Variants in SCAND3 observed in about 807,000 individuals in gnomAD.
The protein encoded by SCAND3 is SCAN domain containing 3.
the SCAND3 span, chr6:28,573,575 T>G: frequency 6.2e-7 from 1 of 1,613,282 alleles, no homozygotes; most frequent in Non-Finnish European, 8.5e-7. Context: ...TTTGATGGTT[T>G]CATTGCTTCA....
the SCAND3 span, chr6:28,579,242 C>G: frequency 6.3e-7 from 1 of 1,599,764 alleles, no homozygotes; most frequent in Non-Finnish European, 8.5e-7. The surrounding 1 kb of genome is among the most constrained non-coding windows in gnomAD (Gnocchi z 4.5). Context: ...CCAAGTCTCA[C>G]CTTCTTTCTT....
the SCAND3 span, among the ~76,000 whole-genome samples, chr6:28,603,195 T>A: frequency 6.6e-6 from 1 of 152,042 alleles, no homozygotes; most frequent in Admixed American, 6.5e-5. Flanking sequence ...CCTGACCTCG[T>A]GATCTGCCCG....
chr6:28,586,875 G>A, the SCAND3 span: 1 of 629,722 alleles, frequency 1.6e-6, no homozygotes, highest in Admixed American at 3.0e-5. The surrounding 1 kb of genome is among the most constrained non-coding windows in gnomAD (Gnocchi z 4.4). Context: ...AAAAGGACTT[G>A]TTTACGTGAC....
chr6:28,592,837 G>A, the SCAND3 span, among the ~76,000 whole-genome samples: 1 of 152,098 alleles, frequency 6.6e-6, no homozygotes, highest in Non-Finnish European at 1.5e-5. This position sits in a 1 kb window ranked among gnomAD's most constrained non-coding sequence, Gnocchi z 4.1. Flanking sequence ...TTAATAAATG[G>A]TGATGGGAAA....
At chr6:28,604,040 G>A in the SCAND3 span, among the ~76,000 whole-genome samples, 1 of 152,162 alleles carries the variant, frequency 6.6e-6, no homozygotes, top group East Asian at 1.9e-4. Context: ...AAGCTTTCTT[G>A]AGACCTGCAC....
At chr6:28,595,099 C>G in the SCAND3 span, among the ~76,000 whole-genome samples, 1 of 149,208 alleles carries the variant, frequency 6.7e-6, no homozygotes, top group African/African-American at 2.5e-5. Context: ...GGTAATCCCA[C>G]GCCTGCAATC....
the SCAND3 span, chr6:28,586,885 C>T: frequency 1.7e-6 from 1 of 605,956 alleles, no homozygotes; most frequent in Non-Finnish European, 2.9e-6. The surrounding 1 kb of genome is among the most constrained non-coding windows in gnomAD (Gnocchi z 4.4). Flanking sequence ...GTTTACGTGA[C>T]AACACAGGGC....
chr6:28,597,427 C>A, the SCAND3 span, among the ~76,000 whole-genome samples: 1 of 151,986 alleles, frequency 6.6e-6, no homozygotes, highest in South Asian at 2.1e-4. Context: ...TCGTCACATG[C>A]TAAGCGTGGC....
At chr6:28,572,044 G>A in the SCAND3 span, 8 of 1,613,912 alleles carry the variant, frequency 5.0e-6, no homozygotes, top group Admixed American at 1.2e-4. This position sits in a 1 kb window ranked among gnomAD's most constrained non-coding sequence, Gnocchi z 4.1. Flanking sequence ...ACTTAAAGTA[G>A]AGAATCCGGT....
the SCAND3 span, chr6:28,575,393 T>C: frequency 6.2e-7 from 1 of 1,614,082 alleles, no homozygotes; most frequent in Non-Finnish European, 8.5e-7. The surrounding 1 kb of genome is among the most constrained non-coding windows in gnomAD (Gnocchi z 4.2). Flanking sequence ...TCCCTCCCAT[T>C]GTCAGATTGT....
chr6:28,578,543 A>C, the SCAND3 span, among the ~76,000 whole-genome samples: 2 of 152,184 alleles, frequency 1.3e-5, no homozygotes, highest in African/African-American at 4.8e-5. Context: ...AGACCATCCT[A>C]TGGATAGCAT....
the SCAND3 span, chr6:28,587,784 C>A: frequency 2.6e-5 from 4 of 151,990 alleles, no homozygotes; most frequent in Admixed American, 2.6e-4. Flanking sequence ...CCAAGACCAC[C>A]GAGAATGAGC....
chr6:28,605,856 G>A, the SCAND3 span, among the ~76,000 whole-genome samples: 147 of 151,818 alleles, frequency 9.7e-4, no homozygotes, highest in Admixed American at 2.4e-3. Flanking sequence ...GAAAAAGAAA[G>A]AAAGAAAGAA....
At chr6:28,574,961 G>C in the SCAND3 span, 1 of 1,613,516 alleles carries the variant, frequency 6.2e-7, no homozygotes, top group African/African-American at 1.3e-5. Flanking sequence ...GTGACAGAAA[G>C]ATTCTCTTCA....
the SCAND3 span, among the ~76,000 whole-genome samples, chr6:28,597,363 A>G: frequency 2.0e-5 from 3 of 152,198 alleles, no homozygotes; most frequent in Admixed American, 6.5e-5. Flanking sequence ...ATTCGAACCC[A>G]CGCGTGCAGA....
the SCAND3 span, among the ~76,000 whole-genome samples, chr6:28,603,767 C>T: frequency 2.0e-5 from 3 of 152,176 alleles, no homozygotes; most frequent in South Asian, 6.2e-4. Context: ...ACTCCAAACT[C>T]GGTGGCTTAA....
At chr6:28,586,962 A>C in the SCAND3 span, 1 of 520,566 alleles carries the variant, frequency 1.9e-6, no homozygotes, top group Non-Finnish European at 3.4e-6. This position sits in a 1 kb window ranked among gnomAD's most constrained non-coding sequence, Gnocchi z 4.4. Flanking sequence ...GTGAGCACAG[A>C]GCGACTCACT....
the SCAND3 span, among the ~76,000 whole-genome samples, chr6:28,583,186 A>G: frequency 6.6e-6 from 1 of 151,836 alleles, no homozygotes; most frequent in Non-Finnish European, 1.5e-5. Flanking sequence ...AGGTCAGGAG[A>G]CTGAGACCAT....
the SCAND3 span, chr6:28,571,117 G>A: frequency 1.3e-5 from 2 of 151,994 alleles, no homozygotes; most frequent in African/African-American, 4.8e-5. Context: ...AGTTCAAGAT[G>A]AGCCTGGCCA....
Sources: allele counts gnomAD v4.1 joint callset (sites outside exome capture counted in the v4.1 genomes callset), GRCh38; gene constraint gnomAD v4.1.1; non-coding constraint Gnocchi (gnomAD v3.1); transcripts MANE v1.5; gene names NCBI Gene and HGNC (gene_info 2026-07-23, HGNC 2026-07-21).